Variants in FANCC observed in about 807,000 individuals in gnomAD.
The protein encoded by FANCC is Fanconi anemia group C protein.
FANCC carries 55 observed loss-of-function variants against 71.3 expected under a neutral mutation model. That is an observed-to-expected ratio of 0.77 (90% CI 0.62 to 0.97). The LOEUF (loss-of-function observed/expected upper bound fraction) is 0.97, where lower values mean the gene tolerates loss of function less well. Ranked by LOEUF, FANCC falls within the 50% of genes least tolerant of loss-of-function variation. FANCC has a pLI of 0.00. For synonymous variants in FANCC, 275 were observed against 244.9 expected (o/e 1.12, Z -1.15); for missense variants, 678 against 670.9 (o/e 1.01, Z -0.12).
At chr9:95,295,851 C>A (rs1319037332) in intron 1 of FANCC, among the ~76,000 whole-genome samples, 1 of 151,056 alleles carries the variant, frequency 6.6e-6, no homozygotes, top group African/African-American at 2.4e-5. Flanking sequence ...GTTAAAGGTA[C>A]AAAGTTTCAG....
intron 6 of FANCC, among the ~76,000 whole-genome samples, chr9:95,154,311 C>T (rs1387140160): frequency 7.1e-6 from 1 of 141,112 alleles, no homozygotes; most frequent in Admixed American, 7.1e-5. Context: ...GAAAAGAGAA[C>T]TCCAGGATGT....
rs552346385 is a variant in FANCC at position 95,183,845 on chromosome 9, T to G, written c.346-11698A>C. On this transcript the variant is annotated intron_variant, in intron 4 of 14. Coordinates refer to ENST00000289081, the MANE Select transcript of FANCC (RefSeq NM_000136.3). ...AGCTGTATTTAAATAGAAGTTATAA[T>G]GCATATCTACATATTTTAAAACATG... Among the ~76,000 whole-genome samples the G allele has an allele frequency of 3.1e-4, 47 of 152,354 alleles. 2 individuals carry two copies. In the South Asian group the frequency reaches 8.3e-3, roughly 27 times the overall value.
intron 4 of FANCC, among the ~76,000 whole-genome samples, chr9:95,186,897 T>C (rs898496823): frequency 5.3e-5 from 8 of 151,464 alleles, no homozygotes; most frequent in African/African-American, 1.9e-4. Flanking sequence ...GTTCAAGAGA[T>C]TCTCCTGCCT....
intron 6 of FANCC, among the ~76,000 whole-genome samples, chr9:95,150,642 C>T (rs542132201): frequency 1.3e-4 from 20 of 152,340 alleles, no homozygotes; most frequent in African/African-American, 4.1e-4. Context: ...AAATTCCGAT[C>T]ACAACACTTG....
At chr9:95,111,777 T>C (rs1279923907) in intron 12 of FANCC, 140 bp from the exon 13 acceptor site, 14 of 994,034 alleles carry the variant, frequency 1.4e-5, no homozygotes, top group African/African-American at 3.2e-5. Flanking sequence ...GAATACAATT[T>C]AGATTCAGAA....
chr9:95,104,361 C>T (rs1564638034), intron 14 of FANCC, among the ~76,000 whole-genome samples: 2 of 152,184 alleles, frequency 1.3e-5, no homozygotes, highest in African/African-American at 4.8e-5. Context: ...GCCACACTGG[C>T]GTCTGCTCTG....
At chr9:95,136,084 T>C (rs1015144424) in intron 7 of FANCC, among the ~76,000 whole-genome samples, 2 of 152,216 alleles carry the variant, frequency 1.3e-5, no homozygotes, top group Admixed American at 6.5e-5. Context: ...TGCTTGAAAG[T>C]TGAAAATATT....
intron 7 of FANCC, among the ~76,000 whole-genome samples, chr9:95,139,578 G>A (rs1244665417): frequency 6.6e-6 from 1 of 152,020 alleles, no homozygotes; most frequent in Non-Finnish European, 1.5e-5. Flanking sequence ...TATTTCAAAT[G>A]AGCTGGATCT....
intron 1 of FANCC, among the ~76,000 whole-genome samples, chr9:95,311,583 T>G (rs1835406417): frequency 6.6e-6 from 1 of 152,144 alleles, no homozygotes; most frequent in South Asian, 2.1e-4. Context: ...AGATAGGGTC[T>G]CACAATTTTG....
chr9:95,296,193 A>G (rs1176450999), intron 1 of FANCC, among the ~76,000 whole-genome samples: 1 of 152,218 alleles, frequency 6.6e-6, no homozygotes, highest in Admixed American at 6.5e-5. Flanking sequence ...ACATCTGAAA[A>G]TATCAAGGAT....
At chr9:95,282,613 C>G (rs1360259816) in intron 1 of FANCC, among the ~76,000 whole-genome samples, 1 of 152,176 alleles carries the variant, frequency 6.6e-6, no homozygotes, top group Non-Finnish European at 1.5e-5. Context: ...AACATTCTAT[C>G]CAACAGGTAC....
intron 4 of FANCC, among the ~76,000 whole-genome samples, chr9:95,227,691 A>C (rs1400908043): frequency 6.6e-6 from 1 of 152,194 alleles, no homozygotes; most frequent in Non-Finnish European, 1.5e-5. Flanking sequence ...AACCCTTTCA[A>C]TTAAAAGTTT....
intron 13 of FANCC, chr9:95,107,488 G>A (rs1223968783): frequency 3.2e-6 from 2 of 615,814 alleles, no homozygotes; most frequent in East Asian, 2.8e-5. Flanking sequence ...TCACCAAGCA[G>A]TCAGGGCACC....
chr9:95,117,710 T>C (rs2072538435), intron 10 of FANCC, among the ~76,000 whole-genome samples: 1 of 150,176 alleles, frequency 6.7e-6, no homozygotes, highest in Admixed American at 6.7e-5. Context: ...TGTGAGATGT[T>C]AGGTATTTCA....
intron 4 of FANCC, among the ~76,000 whole-genome samples, chr9:95,180,339 CTTTT>C (rs34697587): frequency 0.01 from 839 of 82,190 alleles, 7 homozygotes; most frequent in African/African-American, 0.037. Context: ...ACAGTTAACT[CTTTT>C]TTTTTTTTTT....
At chr9:95,227,630 G>A (rs10993490) in intron 4 of FANCC, among the ~76,000 whole-genome samples, 57,731 of 151,960 alleles carry the variant, frequency 0.38, 11,650 homozygotes, top group East Asian at 0.58. Flanking sequence ...TTTCAACAAA[G>A]AAGCCACCAT....
chr9:95,268,447 A>T (rs1418082513), intron 1 of FANCC, among the ~76,000 whole-genome samples: 1 of 152,196 alleles, frequency 6.6e-6, no homozygotes, highest in Non-Finnish European at 1.5e-5. Flanking sequence ...GATGGCTTTC[A>T]CCTGTATTCC....
chr9:95,255,038 G>T (rs920604436), intron 1 of FANCC, among the ~76,000 whole-genome samples: 1 of 152,174 alleles, frequency 6.6e-6, no homozygotes. Context: ...ATCTCTGAAA[G>T]AAAGGCAGCA....
At chr9:95,222,616 G>T (rs1008451176) in intron 4 of FANCC, among the ~76,000 whole-genome samples, 5 of 152,090 alleles carry the variant, frequency 3.3e-5, no homozygotes, top group African/African-American at 1.2e-4. Context: ...TACACTTTAA[G>T]AGTGCATTTG....
Sources: gnomAD v4.1 joint callset for allele counts (sites outside exome capture counted in the v4.1 genomes callset) on GRCh38, gnomAD v4.1.1 for gene constraint, MANE v1.5 for transcripts, NCBI Gene and HGNC (gene_info 2026-07-23, HGNC 2026-07-21) for gene names.